PLA2R1: variants seen among roughly 807,000 people sequenced by gnomAD.
The protein encoded by PLA2R1 is secretory phospholipase A2 receptor.
PLA2R1 carries 158 observed loss-of-function variants against 195.9 expected under a neutral mutation model. That is an observed-to-expected ratio of 0.81 (90% CI 0.71 to 0.92). The LOEUF is 0.92. Ranked by LOEUF, PLA2R1 falls within the 40% of genes least tolerant of loss-of-function variation. The pLI, the probability that PLA2R1 is intolerant of heterozygous loss-of-function variation, is 0.00. For missense variants in PLA2R1, 1,626 were observed against 1,764.6 expected (o/e 0.92, Z 1.41); for synonymous variants, 586 against 598.2 (o/e 0.98, Z 0.30).
At chr2:159,956,673 A>G (rs1688114429) in intron 20 of PLA2R1, 46 bp from the exon 21 acceptor site, 1 of 1,130,496 alleles carries the variant, frequency 8.8e-7, no homozygotes, top group Non-Finnish European at 1.3e-6. Context: ...GTATCTTTCT[A>G]AGTGAATTAA....
At chr2:160,009,522 C>T (rs1237068815) in intron 10 of PLA2R1, among the ~76,000 whole-genome samples, 2 of 151,940 alleles carry the variant, frequency 1.3e-5, no homozygotes, top group East Asian at 1.9e-4. Flanking sequence ...TTGCCAGGGT[C>T]TGGGAGGAGG....
At chr2:159,961,406 G>A (rs752132960) in intron 20 of PLA2R1, among the ~76,000 whole-genome samples, 6 of 152,088 alleles carry the variant, frequency 3.9e-5, no homozygotes, top group African/African-American at 1.4e-4. Flanking sequence ...AAAAAAATAC[G>A]GATGCCTGGA....
chr2:160,014,476 C>G (rs939577614), intron 9 of PLA2R1, among the ~76,000 whole-genome samples: 1 of 152,024 alleles, frequency 6.6e-6, no homozygotes, highest in African/African-American at 2.4e-5. Flanking sequence ...ATTCATTAGT[C>G]CTCTATATTT....
chr2:160,055,498 G>T (rs1695478566), intron 1 of PLA2R1, among the ~76,000 whole-genome samples: 1 of 152,218 alleles, frequency 6.6e-6, no homozygotes, highest in African/African-American at 2.4e-5. Flanking sequence ...GGAAGGAGGG[G>T]TTTGGAAAAG....
chr2:160,024,282 C>A (rs189812553), intron 6 of PLA2R1, among the ~76,000 whole-genome samples: 2 of 152,290 alleles, frequency 1.3e-5, no homozygotes, highest in African/African-American at 4.8e-5. Context: ...GGCCCACCAT[C>A]CCCATGCCAA....
At chr2:160,020,064 C>T (rs1213901090) in intron 8 of PLA2R1, 42 bp downstream of exon 8, 2 of 1,528,044 alleles carry the variant, frequency 1.3e-6, no homozygotes, top group South Asian at 1.2e-5. Flanking sequence ...GCCTTCAGTA[C>T]AAGACCAGCA....
chr2:160,011,923 A>T (rs1692389293), intron 10 of PLA2R1, among the ~76,000 whole-genome samples: 1 of 151,184 alleles, frequency 6.6e-6, no homozygotes, highest in African/African-American at 2.4e-5. Context: ...TTAGTCTGCC[A>T]AATGCTATCA....
chr2:159,992,457 G>C (rs1279367719), intron 11 of PLA2R1, among the ~76,000 whole-genome samples: 4 of 146,460 alleles, frequency 2.7e-5, no homozygotes, highest in African/African-American at 1.0e-4. Flanking sequence ...CAACTTACAA[G>C]GGATGTGAAG....
Position 160,045,162 on chromosome 2 carries a change from A to G in PLA2R1, c.110-5T>C. 1.3e-6 allele frequency: 2 copies of G among 1,582,186 alleles called. No individual in the cohort carries two copies. The highest frequency in any genetic ancestry group is 1.7e-6 in the Non-Finnish European group (2 of 1,159,696). On this transcript the variant is annotated splice_polypyrimidine_tract_variant and splice_region_variant and intron_variant, in intron 1 of 29. Coordinates refer to ENST00000283243, the MANE Select transcript of PLA2R1 (RefSeq NM_007366.5). The stretch of plus-strand genomic sequence containing the variant: ...GGATAACAAATATTCCTTTATCTGA[A>G]ACAAAAATCAAAGATGTGGCATGAA...
intron 28 of PLA2R1, among the ~76,000 whole-genome samples, chr2:159,942,973 C>CT (rs5835779): frequency 0.23 from 32,198 of 139,354 alleles, 3,911 homozygotes; most frequent in Admixed American, 0.37. Flanking sequence ...CAGACTTGTT[C>CT]TTTTTTTTTT....
chr2:159,963,990 A>G (rs1299721372), intron 20 of PLA2R1, among the ~76,000 whole-genome samples: 1 of 152,182 alleles, frequency 6.6e-6, no homozygotes, highest in Non-Finnish European at 1.5e-5. Flanking sequence ...GCGCATCAAC[A>G]GATGAATGAA....
chr2:160,042,111 C>G lies in PLA2R1; in HGVS notation c.581G>C (p.Arg194Pro), dbSNP rs759960475. 9 of 1,613,930 alleles carry G rather than the reference C, an allele frequency of 5.6e-6. No individual in the cohort carries two copies. The highest frequency in any genetic ancestry group is 4.0e-5 in the African/African-American group (3 of 74,938). ...CAGTAAGTCATCTTCCCGACCTTCA[C>G]GGGTACATTCATGATGCCACTGATG... ...YNHQWHHECT[R>P]EGREDDLLWC... is the part of the protein sequence containing the mutation. Residue 194 changes from arginine (R) to proline (P), a missense_variant, in exon 3 of 30, where the codon CGT becomes CCT. Transcript: ENST00000283243.
At chr2:160,000,165 T>C (rs1240505344) in intron 11 of PLA2R1, among the ~76,000 whole-genome samples, 4 of 152,072 alleles carry the variant, frequency 2.6e-5, no homozygotes, top group Non-Finnish European at 5.9e-5. Context: ...ATATACAAAA[T>C]GAAAAGTCTA....
intron 4 of PLA2R1, among the ~76,000 whole-genome samples, chr2:160,030,612 A>G (rs1693795075): frequency 6.6e-6 from 1 of 152,180 alleles, no homozygotes; most frequent in Admixed American, 6.5e-5. Flanking sequence ...AAAACCATCT[A>G]TTTACCTTTA....
At position 159,934,298 on chromosome 2, in the gene PLA2R1, G is replaced by A. The variant is rs1223042574; in HGVS notation, c.*7480C>T. 6.6e-6 allele frequency: 1 copy of A among 152,300 alleles called. No individual in the cohort carries two copies. The highest frequency in any genetic ancestry group is 1.5e-5 in the Non-Finnish European group (1 of 68,110). 9.4% of individuals were successfully genotyped at this position (152,300 alleles called of 1,614,324 possible). A position where few individuals can be genotyped will look rare whatever the true frequency, so the allele number is the denominator to read the frequency against. On this transcript the variant is annotated 3_prime_UTR_variant, in exon 30 of 30. Transcript: ENST00000283243. ...TTAGAAGTACTGACAAGTCAGGGAA[G>A]TGACACAAAAGAAGAATGCAGGGAA...
intron 8 of PLA2R1, among the ~76,000 whole-genome samples, chr2:160,018,633 A>AAAACAAACAAACAAAC (rs59379239): frequency 2.0e-5 from 3 of 150,522 alleles, no homozygotes; most frequent in Non-Finnish European, 4.4e-5. Context: ...CTCTGTCTCA[A>AAAACAAACAAACAAAC]AAACAAACAA....
intron 4 of PLA2R1, 51 bp from the exon 5 acceptor site, chr2:160,029,014 T>C: frequency 1.0e-6 from 1 of 953,014 alleles, no homozygotes; most frequent in Non-Finnish European, 1.7e-6. Flanking sequence ...GTTACACATC[T>C]TTCTTGTTCT....
chr2:159,945,076 G>A lies in PLA2R1; in HGVS notation c.3974C>T (p.Thr1325Ile), dbSNP rs757250345. ...GGGAGTTCCATCAAACCACTTTATG[G>A]TTTCATCTGTGAGAAAATTGCTGAC... is the stretch of plus-strand genomic sequence containing the variant. ...LNAQFDGNNETIKWFDGTPTD... is the reference protein window; with the variant it reads ...LNAQFDGNNEIIKWFDGTPTD... Residue 1325 changes from threonine to isoleucine, a missense_variant, in exon 28 of 30, where the codon ACC becomes ATC. Transcript: ENST00000283243. 1.2e-6 allele frequency: 2 copies of A among 1,605,312 alleles called. No homozygotes were observed. Among genetic ancestry groups the A allele is most frequent in the South Asian group, 2.2e-5 (2 of 89,646 alleles).
intron 10 of PLA2R1, among the ~76,000 whole-genome samples, chr2:160,012,858 G>A (rs887093039): frequency 3.3e-5 from 5 of 152,082 alleles, no homozygotes; most frequent in Non-Finnish European, 7.4e-5. Flanking sequence ...GTTGCAGTGA[G>A]CTGAGACTGC....
Sources: gnomAD v4.1 joint callset for allele counts (sites outside exome capture counted in the v4.1 genomes callset) on GRCh38, gnomAD v4.1.1 for gene constraint, MANE v1.5 for transcripts, NCBI Gene and HGNC (gene_info 2026-07-23, HGNC 2026-07-21) for gene names.